Variants in ITM2C observed in about 807,000 individuals in gnomAD.
ITM2C encodes the protein integral membrane protein 2C.
ITM2C carries 20 observed loss-of-function variants against 30.0 expected under a neutral mutation model. The ratio of observed to expected loss-of-function variants is 0.67; its 90% CI spans 0.47 to 0.97. The LOEUF is 0.97. Among genes scored for constraint, ITM2C ranks in the 50% least tolerant of loss-of-function variants. The probability of loss-of-function intolerance (pLI) is 0.00; values close to 1 mark genes in which losing one functional copy is unlikely to be tolerated. For synonymous variants in ITM2C, 167 were observed against 156.4 expected (o/e 1.07, Z -0.51); for missense variants, 366 against 371.9 (o/e 0.98, Z 0.13).
intron 2 of ITM2C, 150 bp from the exon 3 acceptor site, chr2:230,875,470 C>A: frequency 1.6e-6 from 1 of 627,658 alleles, no homozygotes; most frequent in Non-Finnish European, 2.7e-6. Context: ...CTCAGTTTCT[C>A]CATCTGCGAA....
chr2:230,878,881 GGGGACGAGCCGT>G lies in ITM2C; in HGVS notation c.*786_*797del, dbSNP rs1274061898. The G allele has an allele frequency of 6.6e-6, 1 of 152,480 alleles. No homozygotes were observed. Among genetic ancestry groups the G allele is most frequent in the Non-Finnish European group, 1.5e-5 (1 of 68,136 alleles). 9.4% of individuals were successfully genotyped at this position (152,480 alleles called of 1,614,324 possible). On this transcript the variant is annotated 3_prime_UTR_variant, in exon 6 of 6. Transcript: ENST00000326427. This position sits in a 1 kb window ranked among gnomAD's most constrained non-coding sequence, Gnocchi z 4.5. The stretch of plus-strand genomic sequence containing the variant: ...AGGTCACTGCTCAGTCACGTCCACG[GGGGACGAGCCGT>G]GGGTTCTGCTGAGTAGGTGGAGCTC...
rs933278175 is a variant in ITM2C, at chr2:230,865,990, G to A, written c.120+845G>A. Among the ~76,000 whole-genome samples the A allele has an allele frequency of 1.7e-4, 22 of 129,828 alleles. No individual in the cohort carries two copies. The highest frequency in any genetic ancestry group is 9.3e-4 in the Admixed American group (13 of 14,026). The allele number at this position is 129,828 out of a possible 152,430, so 85.2% of individuals were successfully genotyped here. A position where few individuals can be genotyped will look rare whatever the true frequency, so the allele number is the denominator to read the frequency against. On this transcript the variant is annotated intron_variant, in intron 1 of 5. Transcript: ENST00000326427. This position sits in a 1 kb window ranked among gnomAD's most constrained non-coding sequence, Gnocchi z 6.8. ...CCCTGTCATCCCCCTCCCCTACCCC[G>A]GCTTCCTCCACTTTCCCTCTGGCCG...
At position 230,866,017 on chromosome 2, in the gene ITM2C, G is replaced by A. The variant is rs1001279224; in HGVS notation, c.120+872G>A. On this transcript the variant is annotated intron_variant, in intron 1 of 5. Coordinates refer to ENST00000326427, the MANE Select transcript of ITM2C (RefSeq NM_030926.6). ...CTTCCTCCACTTTCCCTCTGGCCGG[G>A]GGGGAGAGAAGGCATTTCCGCCGTG... Among the ~76,000 whole-genome samples, 12 of 149,006 alleles carry A rather than the reference G, an allele frequency of 8.1e-5. 1 individual carries two copies. In the East Asian group the frequency reaches 1.2e-3, roughly 14 times the overall value.
chr2:230,873,393 C>G (rs1238129206), intron 1 of ITM2C, 24 bp from the exon 2 acceptor site: 4 of 1,516,916 alleles, frequency 2.6e-6, no homozygotes, highest in Non-Finnish European at 3.5e-6. Context: ...CTGGCCCCCA[C>G]TGACCCAGCA....
chr2:230,874,940 A>C (rs1697253441), intron 2 of ITM2C, among the ~76,000 whole-genome samples: 1 of 152,218 alleles, frequency 6.6e-6, no homozygotes, highest in African/African-American at 2.4e-5. Context: ...GACAGGGGTC[A>C]GGGATATCCA....
At chr2:230,866,593 G>A (rs1697034234) in intron 1 of ITM2C, among the ~76,000 whole-genome samples, 1 of 152,060 alleles carries the variant, frequency 6.6e-6, no homozygotes, top group Non-Finnish European at 1.5e-5. Context: ...CCCCATGAGA[G>A]CAGCTCCCCC....
In ITM2C at chr2:230,877,452, C is replaced by T. The variant is rs574047457; in HGVS notation, c.614C>T (p.Thr205Met). 3.3e-5 allele frequency: 54 copies of T among 1,614,026 alleles called. No individual in the cohort carries two copies. Among genetic ancestry groups the T allele is most frequent in the Non-Finnish European group, 4.2e-5 (49 of 1,179,956 alleles). The stretch of plus-strand genomic sequence containing the variant: ...ATCATCCAGGAGGAGATGGTGGTCA[C>T]GGAGCATGTCAGTGACAAGGAGGCC... ...TYIIQEEMVVTEHVSDKEALG... is the reference protein window; with the variant it reads ...TYIIQEEMVVMEHVSDKEALG... The change falls in exon 5 of 6, where the codon ACG becomes ATG. Residue 205 changes from threonine to methionine, a missense_variant. Thr to Met is a moderately conservative substitution (Grantham distance 81). Transcript: ENST00000326427. The surrounding 1 kb of genome is among the most constrained non-coding windows in gnomAD (Gnocchi z 4.8).
rs746087844 is a variant in ITM2C, at chr2:230,877,581, CT to C, written c.712+32del. On this transcript the variant is annotated intron_variant, in intron 5 of 5. Transcript: ENST00000326427. This position sits in a 1 kb window ranked among gnomAD's most constrained non-coding sequence, Gnocchi z 4.8. ...TGGCTGGCTTCACCCACAGTAGCCC[CT>C]GTCCCGTGCCCCAGACCACAGTTAT... 2.5e-6 allele frequency: 4 copies of C among 1,610,712 alleles called. No homozygotes were observed. The African/African-American group carries it at 5.3e-5, about 21-fold the overall frequency.
At chr2:230,876,575 G>A (rs1296734083) in intron 3 of ITM2C, among the ~76,000 whole-genome samples, 1 of 152,098 alleles carries the variant, frequency 6.6e-6, no homozygotes, top group Non-Finnish European at 1.5e-5. Context: ...TCCGCCTCCT[G>A]GGTTCACACC....
chr2:230,868,450 C>T lies in ITM2C; in HGVS notation c.120+3305C>T, dbSNP rs932707693. 3.7e-5 allele frequency among the ~76,000 whole-genome samples: 4 copies of T among 107,474 alleles called. No individual in the cohort carries two copies. In the South Asian group the frequency reaches 1.4e-3, roughly 38 times the overall value. The allele number at this position is 107,474 out of a possible 152,430, so 70.5% of individuals were successfully genotyped here. A position where few individuals can be genotyped will look rare whatever the true frequency, so the allele number is the denominator to read the frequency against. On this transcript the variant is annotated intron_variant, in intron 1 of 5. Transcript: ENST00000326427. ...GCCTGCCCCTTCTCCCCACACCCTG[C>T]CTGTGCCTGCACTCACACACACACA...
At chr2:230,872,953 G>A (rs948568000) in intron 1 of ITM2C, among the ~76,000 whole-genome samples, 4 of 152,070 alleles carry the variant, frequency 2.6e-5, no homozygotes, top group Non-Finnish European at 4.4e-5. Flanking sequence ...GCTCCCCATC[G>A]TCCAGAGCAG....
rs1188326089 is a variant in ITM2C at position 230,875,805 on chromosome 2, G to A, written c.447G>A (p.Gln149=). 3.1e-5 allele frequency: 37 copies of A among 1,178,172 alleles called. No individual in the cohort carries two copies. The highest frequency in any genetic ancestry group is 3.9e-5 in the Non-Finnish European group (34 of 873,544). The allele number at this position is 1,178,172 out of a possible 1,614,324, so 73.0% of individuals were successfully genotyped here. Residue 149 remains glutamine, a synonymous_variant, in exon 3 of 6, where the codon CAG becomes CAA. Transcript: ENST00000326427. Reference sequence around the variant, plus strand: ...CTGCAGACATCATCCATGACTTCCAGCGGGTGAGGCTGGCCAGGGCCTGGG... The same window carrying A: ...CTGCAGACATCATCCATGACTTCCAACGGGTGAGGCTGGCCAGGGCCTGGG... ...GDPADIIHDF[Q]RGLTAYHDIS...
In ITM2C at chr2:230,865,425, C is replaced by T. The variant is rs1574586254; in HGVS notation, c.120+280C>T. 8.9e-6 allele frequency: 3 copies of T among 336,994 alleles called. No homozygotes were observed. The East Asian group carries it at 1.3e-4, about 15-fold the overall frequency. The allele number at this position is 336,994 out of a possible 1,614,324, so 20.9% of individuals were successfully genotyped here. On this transcript the variant is annotated intron_variant, in intron 1 of 5. Coordinates refer to ENST00000326427, the MANE Select transcript of ITM2C (RefSeq NM_030926.6). This position sits in a 1 kb window ranked among gnomAD's most constrained non-coding sequence, Gnocchi z 6.8. Reference sequence around the variant, plus strand: ...CGAGGTCTCTTCCAAAAGTGGGGGCCCCCTCGCCGCCTTATAGGGGGAGGG... The same window carrying T: ...CGAGGTCTCTTCCAAAAGTGGGGGCTCCCTCGCCGCCTTATAGGGGGAGGG...
chr2:230,868,258 T>A (rs1465847986), intron 1 of ITM2C, among the ~76,000 whole-genome samples: 1 of 151,202 alleles, frequency 6.6e-6, no homozygotes, highest in African/African-American at 2.4e-5. Flanking sequence ...CTGCCCGGCC[T>A]CCCCCCCTGG....
chr2:230,869,615 C>CCAGGCCCT lies in ITM2C; in HGVS notation c.121-3797_121-3796insCCTCAGGC, dbSNP rs1410241598. ...GTGCGTTTCTGGCTGCCGAACCCCT[C>CCAGGCCCT]CAGGCAGGCTGCAATCTGCAATCAT... On this transcript the variant is annotated intron_variant, in intron 1 of 5. Transcript: ENST00000326427. Among the ~76,000 whole-genome samples the CCAGGCCCT allele has an allele frequency of 1.1e-4, 17 of 152,358 alleles. No homozygotes were observed. In the South Asian group the frequency reaches 3.5e-3, roughly 32 times the overall value.
chr2:230,876,090 G>A (rs1255010795), intron 3 of ITM2C, among the ~76,000 whole-genome samples: 4 of 152,296 alleles, frequency 2.6e-5, no homozygotes, highest in Middle Eastern at 3.4e-3. Flanking sequence ...TCACCATCGA[G>A]TGCATTGCGT....
rs759752808 is a variant in ITM2C, at chr2:230,878,324, G to A, written c.*225G>A. On this transcript the variant is annotated 3_prime_UTR_variant, in exon 6 of 6. Transcript: ENST00000326427. The surrounding 1 kb of genome is among the most constrained non-coding windows in gnomAD (Gnocchi z 4.5). ...ACCTGGGTGTGGCGGAGGGAGAGGC[G>A]ATGCTGCAAAGTGTTTTCTGTGTCC... 2.6e-5 allele frequency: 9 copies of A among 351,206 alleles called. No homozygotes were observed. Among genetic ancestry groups the A allele is most frequent in the Admixed American group, 4.5e-5 (1 of 22,302 alleles). 21.8% of individuals were successfully genotyped at this position (351,206 alleles called of 1,614,324 possible).
intron 1 of ITM2C, 101 bp from the exon 2 acceptor site, chr2:230,873,305 TTCCCCCAAGAC>T: frequency 9.1e-7 from 1 of 1,104,838 alleles, no homozygotes; most frequent in Non-Finnish European, 1.2e-6. Context: ...TTCCCTCCCT[TTCCCCCAAGAC>T]TCCCTCCGGG....
chr2:230,877,699 G>A lies in ITM2C; in HGVS notation c.712+149G>A. ...GCACTTCCGTGTGCCGGGCAATGCT[G>A]TGTGCTCTTTATGACCTCTTAAGAG... On this transcript the variant is annotated intron_variant, in intron 5 of 5. Coordinates refer to ENST00000326427, the MANE Select transcript of ITM2C (RefSeq NM_030926.6). The surrounding 1 kb of genome is among the most constrained non-coding windows in gnomAD (Gnocchi z 4.8). The A allele has an allele frequency of 1.2e-6, 1 of 808,480 alleles. No homozygotes were observed. The highest frequency in any genetic ancestry group is 2.0e-6 in the Non-Finnish European group (1 of 510,694). 50.1% of individuals were successfully genotyped at this position (808,480 alleles called of 1,614,324 possible).
Sources: gnomAD v4.1 joint callset for allele counts (sites outside exome capture counted in the v4.1 genomes callset) on GRCh38, gnomAD v4.1.1 for gene constraint, Gnocchi (gnomAD v3.1) non-coding constraint, MANE v1.5 for transcripts, NCBI Gene and HGNC (gene_info 2026-07-23, HGNC 2026-07-21) for gene names.